Variants in SSBP2 observed in about 807,000 individuals in gnomAD.
SSBP2 encodes the protein single-stranded DNA-binding protein 2.
In SSBP2, 17 loss-of-function variants were observed where a neutral mutation model predicts 61.8. The ratio of observed to expected loss-of-function variants is 0.28; its 90% CI spans 0.19 to 0.41. The LOEUF is 0.41. Among genes scored for constraint, SSBP2 ranks in the 10% least tolerant of loss-of-function variants. The pLI is 1.00. For synonymous variants in SSBP2, 139 were observed against 141.3 expected (o/e 0.98, Z 0.12); for missense variants, 310 against 458.7 (o/e 0.68, Z 2.96).
rs150114013 is a variant in SSBP2 at position 81,506,779 on chromosome 5, T to C, written c.372+6849A>G. Among the ~76,000 whole-genome samples the C allele has an allele frequency of 8.1e-3, 1,230 of 152,242 alleles. 20 individuals are homozygous for C. Among genetic ancestry groups the C allele is most frequent in the African/African-American group, 0.029 (1,189 of 41,562 alleles). On this transcript the variant is annotated intron_variant, in intron 5 of 16. Transcript: ENST00000320672. ...GGTATCTTCAAAATGCAGAATTTAT[T>C]TCCAGAAATAAACATCTATCTCCCA...
At chr5:81,501,071 G>A (rs1561474667) in intron 5 of SSBP2, among the ~76,000 whole-genome samples, 3 of 148,970 alleles carry the variant, frequency 2.0e-5, no homozygotes, top group Admixed American at 6.7e-5. Context: ...AAAATTAGCC[G>A]GGTGTGGTGG....
intron 4 of SSBP2, among the ~76,000 whole-genome samples, chr5:81,598,507 C>A (rs757152641): frequency 1.4e-4 from 22 of 152,160 alleles, no homozygotes; most frequent in Non-Finnish European, 1.3e-4. Flanking sequence ...TACTTTATAT[C>A]ATTACTGTTT....
chr5:81,497,084 C>G (rs1381252192), intron 5 of SSBP2, among the ~76,000 whole-genome samples: 2 of 152,106 alleles, frequency 1.3e-5, no homozygotes, highest in African/African-American at 4.8e-5. Flanking sequence ...CTTGATTCAC[C>G]AGACTAAAAA....
intron 1 of SSBP2, among the ~76,000 whole-genome samples, chr5:81,697,193 T>A (rs1227316725): frequency 2.0e-5 from 3 of 152,246 alleles, no homozygotes; most frequent in Non-Finnish European, 4.4e-5. Flanking sequence ...AAATGTTACA[T>A]CATCTTTCAC....
At position 81,622,105 on chromosome 5, in the gene SSBP2, ATAAAAAAAAAAAAT is replaced by A. The variant is rs1746635706; in HGVS notation, c.198-6562_198-6549del. Among the ~76,000 whole-genome samples the A allele has an allele frequency of 5.1e-5, 7 of 136,088 alleles. No homozygotes were observed. In the South Asian group the frequency reaches 1.7e-3, roughly 32 times the overall value. 89.3% of individuals were successfully genotyped at this position (136,088 alleles called of 152,430 possible). On this transcript the variant is annotated intron_variant, in intron 3 of 16. Transcript: ENST00000320672. ...CATGTACCCTAAAACTTAGAGTATA[ATAAAAAAAAAAAAT>A]TAAAAAAAAAAAAAAAGAAAATACA...
At chr5:81,486,268 A>C (rs1766373950) in intron 6 of SSBP2, among the ~76,000 whole-genome samples, 1 of 152,136 alleles carries the variant, frequency 6.6e-6, no homozygotes, top group Non-Finnish European at 1.5e-5. Flanking sequence ...CCTGTTCGTA[A>C]AATTTGTCAA....
intron 16 of SSBP2, among the ~76,000 whole-genome samples, chr5:81,423,384 T>C (rs1443046138): frequency 1.3e-5 from 2 of 152,220 alleles, no homozygotes; most frequent in Non-Finnish European, 2.9e-5. Flanking sequence ...GTATACTGTG[T>C]CAATAATATA....
At chr5:81,665,267 C>T (rs1252466198) in intron 1 of SSBP2, among the ~76,000 whole-genome samples, 1 of 151,840 alleles carries the variant, frequency 6.6e-6, no homozygotes, top group Admixed American at 6.6e-5. Context: ...TCCTTGTAAG[C>T]AAGGCTAGAG....
intron 2 of SSBP2, among the ~76,000 whole-genome samples, chr5:81,642,268 T>C (rs1335323807): frequency 6.6e-6 from 1 of 152,222 alleles, no homozygotes; most frequent in Non-Finnish European, 1.5e-5. Flanking sequence ...CTCTTTATTC[T>C]GTTTCTTTTT....
intron 1 of SSBP2, among the ~76,000 whole-genome samples, chr5:81,732,787 T>C (rs932614977): frequency 2.6e-5 from 4 of 152,194 alleles, no homozygotes; most frequent in Admixed American, 1.3e-4. Flanking sequence ...AAGTATCTTA[T>C]ACCCTTTCTA....
chr5:81,652,725 G>A (rs1376047963), intron 1 of SSBP2, among the ~76,000 whole-genome samples: 1 of 151,918 alleles, frequency 6.6e-6, no homozygotes, highest in African/African-American at 2.4e-5. Context: ...CTGCCATGAT[G>A]ACTCCATAAT....
chr5:81,582,717 C>T (rs1037197984), intron 4 of SSBP2, among the ~76,000 whole-genome samples: 6 of 152,100 alleles, frequency 3.9e-5, no homozygotes, highest in African/African-American at 1.4e-4. Context: ...CCTCTGCCTC[C>T]CGAGTAGCTG....
intron 5 of SSBP2, among the ~76,000 whole-genome samples, chr5:81,501,515 TTCAGTTAC>T (rs1451917652): frequency 6.7e-6 from 1 of 149,976 alleles, no homozygotes; most frequent in Non-Finnish European, 1.5e-5. Context: ...ACAAAGGGTA[TTCAGTTAC>T]TCTATTCCCT....
At chr5:81,489,911 G>A (rs1037526106) in intron 5 of SSBP2, among the ~76,000 whole-genome samples, 3 of 151,876 alleles carry the variant, frequency 2.0e-5, no homozygotes, top group Non-Finnish European at 1.5e-5. Flanking sequence ...CCACCTACTC[G>A]GGAGGCTGAG....
At chr5:81,612,118 T>G (rs1350516099) in intron 4 of SSBP2, among the ~76,000 whole-genome samples, 1 of 152,128 alleles carries the variant, frequency 6.6e-6, no homozygotes, top group Non-Finnish European at 1.5e-5. Flanking sequence ...TCCAAACACA[T>G]CAAGTTTACA....
At chr5:81,507,808 C>T (rs1029108632) in intron 5 of SSBP2, among the ~76,000 whole-genome samples, 64 of 152,092 alleles carry the variant, frequency 4.2e-4, no homozygotes, top group Admixed American at 2.6e-4. Context: ...TTGTTACTTA[C>T]TCATCCATAA....
chr5:81,709,917 A>T (rs1754653672), intron 1 of SSBP2, among the ~76,000 whole-genome samples: 1 of 152,018 alleles, frequency 6.6e-6, no homozygotes, highest in African/African-American at 2.4e-5. Context: ...TTTTAAATTT[A>T]AAAAATTAGA....
chr5:81,435,059 T>C (rs1419172943), intron 15 of SSBP2, among the ~76,000 whole-genome samples: 1 of 151,636 alleles, frequency 6.6e-6, no homozygotes, highest in Non-Finnish European at 1.5e-5. Flanking sequence ...GAACCTGGAG[T>C]AGAGGTGGTG....
intron 1 of SSBP2, among the ~76,000 whole-genome samples, chr5:81,717,076 TA>T (rs1755213880): frequency 6.6e-6 from 1 of 152,174 alleles, no homozygotes; most frequent in African/African-American, 2.4e-5. Flanking sequence ...AATATTAATA[TA>T]ACCTGCTGGA....
Sources: allele counts gnomAD v4.1 joint callset (sites outside exome capture counted in the v4.1 genomes callset), GRCh38; gene constraint gnomAD v4.1.1; transcripts MANE v1.5; gene names NCBI Gene and HGNC (gene_info 2026-07-23, HGNC 2026-07-21).